CHRDL1: variants seen among roughly 807,000 people sequenced by gnomAD.
CHRDL1 encodes chordin like 1, also known as chordin-like protein 1.
A neutral mutation model predicts 40.9 loss-of-function variants in CHRDL1; 19 were observed. That is an observed-to-expected ratio of 0.46 (90% CI 0.32 to 0.68). The LOEUF (loss-of-function observed/expected upper bound fraction) is 0.68, where lower values mean the gene tolerates loss of function less well. Ranked by LOEUF, CHRDL1 falls within the 30% of genes least tolerant of loss-of-function variation. The probability of loss-of-function intolerance (pLI) is 0.03; values close to 1 mark genes in which losing one functional copy is unlikely to be tolerated. For missense variants in CHRDL1, 329 were observed against 352.1 expected (o/e 0.93, Z 0.53); for synonymous variants, 136 against 123.4 (o/e 1.10, Z -0.68).
chrX:110,770,398 G>A (rs1005064299), intron 2 of CHRDL1, among the ~76,000 whole-genome samples: 1 of 110,665 alleles, frequency 9.0e-6, no homozygotes, highest in African/African-American at 3.3e-5. Context: ...ATCATTTAGG[G>A]ATTCAGCTAA....
At chrX:110,780,311 C>T (rs897436866) in intron 2 of CHRDL1, among the ~76,000 whole-genome samples, 2 of 110,068 alleles carry the variant, frequency 1.8e-5, no homozygotes, top group Non-Finnish European at 3.8e-5. Context: ...TCTTTTTTTT[C>T]CATGGGTTAT....
intron 10 of CHRDL1, among the ~76,000 whole-genome samples, chrX:110,680,444 AGG>A (rs1418007108): frequency 8.9e-6 from 1 of 111,889 alleles, no homozygotes; most frequent in Non-Finnish European, 1.9e-5. Flanking sequence ...TGTTGTCTAA[AGG>A]GAGAGAAAAA....
At chrX:110,752,473 A>T (rs1348550253) in intron 4 of CHRDL1, among the ~76,000 whole-genome samples, 1 of 111,762 alleles carries the variant, frequency 8.9e-6, no homozygotes, top group Non-Finnish European at 1.9e-5. Flanking sequence ...AGATGGTTAA[A>T]GGGGTCTAAG....
intron 3 of CHRDL1, among the ~76,000 whole-genome samples, chrX:110,762,422 A>G (rs1337526507): frequency 9.0e-6 from 1 of 111,342 alleles, no homozygotes; most frequent in Non-Finnish European, 1.9e-5. Flanking sequence ...GACAACAGGC[A>G]TGTGCCACCA....
At chrX:110,702,487 G>A (rs1488240292) in intron 6 of CHRDL1, among the ~76,000 whole-genome samples, 3 of 111,867 alleles carry the variant, frequency 2.7e-5, no homozygotes, top group Non-Finnish European at 5.6e-5. Context: ...GGCTGAGAGG[G>A]GAAGTAGCCA....
intron 9 of CHRDL1, 96 bp downstream of exon 9, chrX:110,688,498 T>C (rs2070071931): frequency 1.8e-6 from 1 of 558,592 alleles, no homozygotes; most frequent in Admixed American, 2.8e-5. Flanking sequence ...ATCATTACAA[T>C]TATATGAAAG....
intron 4 of CHRDL1, among the ~76,000 whole-genome samples, chrX:110,722,007 T>C (rs1000714675): frequency 8.9e-6 from 1 of 111,963 alleles, no homozygotes; most frequent in Non-Finnish European, 1.9e-5. Flanking sequence ...CTCCCACATT[T>C]ATTTATTTAG....
chrX:110,692,580 A>G (rs970368747), intron 8 of CHRDL1, among the ~76,000 whole-genome samples: 1 of 112,464 alleles, frequency 8.9e-6, no homozygotes, highest in African/African-American at 3.2e-5. Flanking sequence ...TTCACAGCAA[A>G]TGGAATCTAT....
At chrX:110,731,906 G>A (rs1256786366) in intron 4 of CHRDL1, among the ~76,000 whole-genome samples, 1 of 109,549 alleles carries the variant, frequency 9.1e-6, no homozygotes, top group Non-Finnish European at 1.9e-5. Context: ...GCAACATCTT[G>A]TAAATATACT....
chrX:110,765,942 T>C (rs1388393433), intron 2 of CHRDL1, among the ~76,000 whole-genome samples: 2 of 111,655 alleles, frequency 1.8e-5, no homozygotes, highest in East Asian at 5.6e-4. Flanking sequence ...GACCATATGA[T>C]AGGTCATAAA....
Position 110,762,719 on chromosome X carries a change from G to A in CHRDL1, c.183C>T (p.Tyr61=). 8.5e-7 allele frequency: 1 copy of A among 1,179,296 alleles called. No homozygotes were observed. Among genetic ancestry groups the A allele is most frequent in the Non-Finnish European group, 1.2e-6 (1 of 868,471 alleles). ...CCTCTGAGCAGATGCAGTTCACGCAGTAAACCAACCCATAAGGTTCCAGGT... is the reference window on the plus strand; with the variant it reads ...CCTCTGAGCAGATGCAGTTCACGCAATAAACCAACCCATAAGGTTCCAGGT... ...HPYLEPYGLV[Y]CVNCICSENG... Residue 61 remains tyrosine, a synonymous_variant, in exon 3 of 12, where the codon TAC becomes TAT. Coordinates refer to ENST00000372042, the MANE Select transcript of CHRDL1 (RefSeq NM_001143981.2).
intron 2 of CHRDL1, among the ~76,000 whole-genome samples, chrX:110,787,223 T>A (rs952692613): frequency 6.3e-5 from 7 of 111,568 alleles, no homozygotes; most frequent in African/African-American, 2.3e-4. Context: ...CGTTTCTTCT[T>A]CAAATGACAA....
At chrX:110,682,049 C>T (rs1339583331) in intron 9 of CHRDL1, among the ~76,000 whole-genome samples, 4 of 112,127 alleles carry the variant, frequency 3.6e-5, no homozygotes, top group African/African-American at 6.5e-5. Flanking sequence ...ATGCTCTGTC[C>T]AGCTCAGTGT....
chrX:110,745,997 G>A (rs764125040), intron 4 of CHRDL1, among the ~76,000 whole-genome samples: 32 of 111,846 alleles, frequency 2.9e-4, no homozygotes, highest in Non-Finnish European at 5.5e-4. Context: ...ACTTATTGTG[G>A]AACATTTTGC....
intron 4 of CHRDL1, among the ~76,000 whole-genome samples, chrX:110,738,997 C>T (rs1286576008): frequency 2.7e-5 from 3 of 111,580 alleles, no homozygotes; most frequent in African/African-American, 9.8e-5. Flanking sequence ...CCCCAGGATA[C>T]ATATCCCAAA....
intron 8 of CHRDL1, among the ~76,000 whole-genome samples, chrX:110,689,249 C>T (rs763049248): frequency 0.06 from 1,881 of 31,153 alleles, 23 homozygotes; most frequent in Middle Eastern, 0.17. Flanking sequence ...CACCACCATG[C>T]CGTGCTTTTT....
At chrX:110,795,507 G>T (rs1033969133) in intron 1 of CHRDL1, among the ~76,000 whole-genome samples, 1 of 111,340 alleles carries the variant, frequency 9.0e-6, no homozygotes, top group African/African-American at 3.3e-5. Context: ...CGAGTGGGGA[G>T]GGACGAGCTG....
At position 110,689,809 on chromosome X, in the gene CHRDL1, A is replaced by ATATATATC. The variant is rs1408954188; in HGVS notation, c.779-1014_779-1007dup. On this transcript the variant is annotated intron_variant, in intron 8 of 11. Transcript: ENST00000372042. ...TATATATCTATACATCTATATATCT[A>ATATATATC]TATATATCTATATATCTATATATCT... is the stretch of plus-strand genomic sequence containing the variant. 4.1e-5 allele frequency among the ~76,000 whole-genome samples: 3 copies of ATATATATC among 74,007 alleles called. 1 individual carries two copies. The highest frequency in any genetic ancestry group is 6.8e-5 in the Non-Finnish European group (3 of 43,992). The allele number at this position is 74,007 out of a possible 115,157, so 64.3% of individuals were successfully genotyped here. A position where few individuals can be genotyped will look rare whatever the true frequency, so the allele number is the denominator to read the frequency against.
intron 5 of CHRDL1, 40 bp from the exon 6 acceptor site, chrX:110,719,968 G>A (rs375979900): frequency 2.3e-5 from 22 of 951,839 alleles, no homozygotes; most frequent in Non-Finnish European, 3.2e-5. Context: ...AAGCATCTAG[G>A]ATAAGTGTAA....
Sources: allele counts gnomAD v4.1 joint callset (sites outside exome capture counted in the v4.1 genomes callset), GRCh38; gene constraint gnomAD v4.1.1; transcripts MANE v1.5; gene names NCBI Gene and HGNC (gene_info 2026-07-23, HGNC 2026-07-21).